Variants in DSCAML1 observed in about 807,000 individuals in gnomAD.
The protein encoded by DSCAML1 is DS cell adhesion molecule like 1, also known as cell adhesion molecule DSCAML1.
In DSCAML1, 38 loss-of-function variants were observed where a neutral mutation model predicts 200.5. The observed-to-expected ratio is 0.19, with a 90% confidence interval of 0.15 to 0.25. DSCAML1 has a LOEUF of 0.25. Among genes scored for constraint, DSCAML1 ranks in the 10% least tolerant of loss-of-function variants. The probability of loss-of-function intolerance (pLI) is 1.00; values close to 1 mark genes in which losing one functional copy is unlikely to be tolerated. For synonymous variants in DSCAML1, 1,215 were observed against 1,165.0 expected, an observed-to-expected ratio of 1.04 and a Z score of -0.87; for missense variants, 2,223 against 2,858.8, an observed-to-expected ratio of 0.78 and a Z score of 5.07.
intron 1 of DSCAML1, among the ~76,000 whole-genome samples, chr11:117,794,700 AC>A (rs1189915078): frequency 5.9e-5 from 9 of 151,406 alleles, no homozygotes; most frequent in Non-Finnish European, 1.2e-4. Flanking sequence ...AATACTCCAA[AC>A]CCCATCTTTC....
chr11:117,654,614 T>G (rs1230921452), intron 3 of DSCAML1, among the ~76,000 whole-genome samples: 2 of 152,158 alleles, frequency 1.3e-5, no homozygotes, highest in Non-Finnish European at 2.9e-5. Flanking sequence ...ATTATTTAAA[T>G]GGGCAAGATT....
intron 3 of DSCAML1, among the ~76,000 whole-genome samples, chr11:117,681,206 G>A (rs1336657995): frequency 6.6e-6 from 1 of 152,172 alleles, no homozygotes; most frequent in Non-Finnish European, 1.5e-5. Flanking sequence ...CATGGACCTG[G>A]TAGGGTCCAA....
chr11:117,455,766 C>T (rs2048357529), intron 19 of DSCAML1, among the ~76,000 whole-genome samples: 1 of 152,202 alleles, frequency 6.6e-6, no homozygotes, highest in Non-Finnish European at 1.5e-5. Flanking sequence ...GACCACAGAT[C>T]TGTCTGCTTT....
chr11:117,681,609 T>C (rs2053314293), intron 3 of DSCAML1, among the ~76,000 whole-genome samples: 1 of 152,206 alleles, frequency 6.6e-6, no homozygotes, highest in Non-Finnish European at 1.5e-5. Context: ...AGAGTAGAGA[T>C]GGCTGCTTGG....
intron 3 of DSCAML1, among the ~76,000 whole-genome samples, chr11:117,624,723 C>T (rs2052007756): frequency 6.6e-6 from 1 of 152,138 alleles, no homozygotes; most frequent in Non-Finnish European, 1.5e-5. Context: ...TCCTCACTCC[C>T]ACGGAGAGAC....
intron 3 of DSCAML1, among the ~76,000 whole-genome samples, chr11:117,612,679 A>G (rs748030861): frequency 5.9e-5 from 9 of 151,862 alleles, no homozygotes; most frequent in Non-Finnish European, 1.2e-4. Flanking sequence ...TTCCTTCCAC[A>G]CCCTTGCACC....
intron 3 of DSCAML1, among the ~76,000 whole-genome samples, chr11:117,683,511 G>A (rs548270720): frequency 2.0e-5 from 3 of 152,300 alleles, no homozygotes; most frequent in South Asian, 2.1e-4. Flanking sequence ...CTCCATATTC[G>A]AGTCTCCTTA....
intron 4 of DSCAML1, among the ~76,000 whole-genome samples, chr11:117,527,048 G>C (rs768492478): frequency 6.6e-6 from 1 of 151,932 alleles, no homozygotes; most frequent in Non-Finnish European, 1.5e-5. Flanking sequence ...CTGTGGTCCT[G>C]GCTACTCAGG....
intron 3 of DSCAML1, among the ~76,000 whole-genome samples, chr11:117,769,298 A>AT: frequency 4.0e-5 from 1 of 25,062 alleles, no homozygotes; most frequent in East Asian, 2.2e-3. Flanking sequence ...TTATATATTT[A>AT]TATATATTTT....
intron 3 of DSCAML1, among the ~76,000 whole-genome samples, chr11:117,734,831 C>A (rs1023978982): frequency 1.3e-5 from 2 of 152,134 alleles, no homozygotes; most frequent in Non-Finnish European, 2.9e-5. Flanking sequence ...AGGACTGAGG[C>A]TGGGGCTGGG....
chr11:117,550,790 C>G (rs933757305), intron 3 of DSCAML1, among the ~76,000 whole-genome samples: 2 of 152,206 alleles, frequency 1.3e-5, no homozygotes, highest in African/African-American at 4.8e-5. Flanking sequence ...CAATCGATCA[C>G]AAAACTGTTT....
intron 3 of DSCAML1, among the ~76,000 whole-genome samples, chr11:117,562,147 C>T (rs1050966701): frequency 3.9e-5 from 6 of 152,178 alleles, no homozygotes; most frequent in African/African-American, 1.4e-4. Context: ...CTGGGTCTGA[C>T]CCAGCACTGA....
At chr11:117,630,742 C>A (rs777566534) in intron 3 of DSCAML1, among the ~76,000 whole-genome samples, 6 of 150,654 alleles carry the variant, frequency 4.0e-5, no homozygotes, top group Admixed American at 4.0e-4. Flanking sequence ...CCAAGTGACT[C>A]CAGATCCAGG....
At chr11:117,493,155 GGGTCCAGTTGA>G (rs1394725907) in intron 11 of DSCAML1, among the ~76,000 whole-genome samples, 1 of 152,106 alleles carries the variant, frequency 6.6e-6, no homozygotes, top group South Asian at 2.1e-4. Context: ...GCTGCACTGG[GGGTCCAGTTGA>G]GGCCCTCAAA....
intron 3 of DSCAML1, among the ~76,000 whole-genome samples, chr11:117,738,104 G>T (rs1259436904): frequency 2.0e-5 from 3 of 152,148 alleles, no homozygotes; most frequent in African/African-American, 7.2e-5. Context: ...GATGCTTACT[G>T]CTGAATGATT....
intron 11 of DSCAML1, among the ~76,000 whole-genome samples, chr11:117,487,848 T>C (rs1423772985): frequency 6.6e-6 from 1 of 152,134 alleles, no homozygotes; most frequent in Non-Finnish European, 1.5e-5. Flanking sequence ...TATTTTCTGC[T>C]GTTTGGGGAA....
intron 3 of DSCAML1, among the ~76,000 whole-genome samples, chr11:117,552,202 TGTCA>T (rs2050480611): frequency 6.6e-6 from 1 of 152,196 alleles, no homozygotes; most frequent in African/African-American, 2.4e-5. Context: ...CTGTGGGGAA[TGTCA>T]GTCAGTGGAG....
At chr11:117,512,182 C>G (rs1460350745) in intron 8 of DSCAML1, among the ~76,000 whole-genome samples, 1 of 152,174 alleles carries the variant, frequency 6.6e-6, no homozygotes, top group Non-Finnish European at 1.5e-5. Flanking sequence ...CCGCAACTTG[C>G]CCTTTTCTAC....
intron 3 of DSCAML1, among the ~76,000 whole-genome samples, chr11:117,762,323 ACT>A (rs1452110258): frequency 6.6e-6 from 1 of 151,716 alleles, no homozygotes; most frequent in Non-Finnish European, 1.5e-5. Flanking sequence ...CAGATAAAAC[ACT>A]CTGTCTTTAA....
Sources: allele counts gnomAD v4.1 joint callset (sites outside exome capture counted in the v4.1 genomes callset), GRCh38; gene constraint gnomAD v4.1.1; transcripts MANE v1.5; gene names NCBI Gene and HGNC (gene_info 2026-07-23, HGNC 2026-07-21).